NYAP2: variants seen among roughly 807,000 people sequenced by gnomAD.
NYAP2 encodes neuronal tyrosine-phosphorylated phosphoinositide-3-kinase adapter 2.
A neutral mutation model predicts 50.4 loss-of-function variants in NYAP2; 23 were observed. The observed-to-expected ratio is 0.46, with a 90% CI of 0.33 to 0.65. The LOEUF is 0.65. NYAP2 is among the 30% of genes least tolerant of loss of function. The pLI is 0.02. For missense variants in NYAP2, 885 were observed against 861.0 expected (o/e 1.03, Z -0.35); for synonymous variants, 394 against 365.2 (o/e 1.08, Z -0.90).
At chr2:225,503,224 TCTC>T (rs1690636735) in intron 3 of NYAP2, among the ~76,000 whole-genome samples, 1 of 152,168 alleles carries the variant, frequency 6.6e-6, no homozygotes, top group Middle Eastern at 3.2e-3. Flanking sequence ...TTCCAGAACT[TCTC>T]CTCCTCTGGT....
At chr2:225,481,143 A>G (rs947986855) in intron 3 of NYAP2, among the ~76,000 whole-genome samples, 4 of 152,070 alleles carry the variant, frequency 2.6e-5, no homozygotes, top group Admixed American at 1.3e-4. Context: ...TCTTTCTTTA[A>G]AAAACCTTTT....
intron 3 of NYAP2, among the ~76,000 whole-genome samples, chr2:225,437,924 A>G (rs1405578514): frequency 6.6e-6 from 1 of 152,210 alleles, no homozygotes. Context: ...GCCACAGACC[A>G]GATCATGATA....
chr2:225,448,192 G>A (rs537598252), intron 3 of NYAP2, among the ~76,000 whole-genome samples: 3 of 152,314 alleles, frequency 2.0e-5, no homozygotes, highest in Admixed American at 6.5e-5. Context: ...AGAGGGCCAA[G>A]TGGAGGAGTT....
intron 4 of NYAP2, among the ~76,000 whole-genome samples, chr2:225,568,447 A>G (rs1692001257): frequency 6.6e-6 from 1 of 152,116 alleles, no homozygotes; most frequent in Admixed American, 6.6e-5. Flanking sequence ...TGCTTCTTCA[A>G]GACTATTTGA....
chr2:225,680,210 T>C, the NYAP2 span, among the ~76,000 whole-genome samples: 7 of 152,114 alleles, frequency 4.6e-5, no homozygotes, highest in African/African-American at 1.4e-4. Context: ...TTTAAGAAAA[T>C]TGCACAAAGA....
intron 4 of NYAP2, among the ~76,000 whole-genome samples, chr2:225,535,414 A>G (rs544909721): frequency 1.3e-5 from 2 of 152,184 alleles, no homozygotes; most frequent in East Asian, 1.9e-4. Flanking sequence ...ATATCTTGTA[A>G]CAGAGTGTTA....
chr2:225,588,992 C>T (rs576003648), intron 5 of NYAP2, among the ~76,000 whole-genome samples: 2 of 152,210 alleles, frequency 1.3e-5, no homozygotes, highest in Admixed American at 1.3e-4. Context: ...GTTTTCCTAC[C>T]TTCTCCCTTT....
At chr2:225,479,267 T>G (rs1214479572) in intron 3 of NYAP2, among the ~76,000 whole-genome samples, 1 of 152,138 alleles carries the variant, frequency 6.6e-6, no homozygotes, top group Non-Finnish European at 1.5e-5. Flanking sequence ...CCCTTTGAAT[T>G]TGGTATAATT....
chr2:225,522,934 T>G (rs1691091431), intron 4 of NYAP2, among the ~76,000 whole-genome samples: 1 of 152,186 alleles, frequency 6.6e-6, no homozygotes, highest in East Asian at 1.9e-4. Context: ...TATGGCTGTT[T>G]GGTGTTGACC....
the NYAP2 span, among the ~76,000 whole-genome samples, chr2:225,668,399 C>T: frequency 2.6e-5 from 4 of 152,150 alleles, no homozygotes; most frequent in Non-Finnish European, 4.4e-5. Context: ...TTTGTCTACT[C>T]TATATACTCT....
intron 3 of NYAP2, among the ~76,000 whole-genome samples, chr2:225,451,064 C>T (rs1189528590): frequency 6.6e-6 from 1 of 152,038 alleles, no homozygotes; most frequent in Non-Finnish European, 1.5e-5. Flanking sequence ...GCATAAATTA[C>T]TACTGCAGGC....
chr2:225,670,311 A>G, the NYAP2 span, among the ~76,000 whole-genome samples: 1 of 152,150 alleles, frequency 6.6e-6, no homozygotes, highest in Non-Finnish European at 1.5e-5. Context: ...ACCTGAAAGC[A>G]GAACCCTGGA....
At chr2:225,450,239 C>T (rs1055415600) in intron 3 of NYAP2, among the ~76,000 whole-genome samples, 6 of 152,046 alleles carry the variant, frequency 3.9e-5, no homozygotes, top group Admixed American at 3.9e-4. Context: ...TGAGGGTAGC[C>T]TCATGTGGAA....
intron 3 of NYAP2, among the ~76,000 whole-genome samples, chr2:225,481,184 A>G (rs1449617989): frequency 6.6e-6 from 1 of 152,160 alleles, no homozygotes; most frequent in Non-Finnish European, 1.5e-5. Context: ...TAAAAGTGTC[A>G]TCCTGTATAT....
chr2:225,492,905 T>A (rs1304566908), intron 3 of NYAP2, among the ~76,000 whole-genome samples: 1 of 152,154 alleles, frequency 6.6e-6, no homozygotes, highest in East Asian at 1.9e-4. Context: ...CATCTCAACA[T>A]GAGATTTAGA....
At chr2:225,413,018 T>C (rs754708085) in intron 3 of NYAP2, among the ~76,000 whole-genome samples, 11 of 152,160 alleles carry the variant, frequency 7.2e-5, no homozygotes, top group Non-Finnish European at 1.5e-4. Flanking sequence ...ATTACTATCC[T>C]CACAGTCAGC....
At chr2:225,454,084 G>C (rs1344113927) in intron 3 of NYAP2, among the ~76,000 whole-genome samples, 1 of 152,104 alleles carries the variant, frequency 6.6e-6, no homozygotes, top group Non-Finnish European at 1.5e-5. Context: ...AACACTTTGG[G>C]AGGTCAAGGT....
chr2:225,531,415 G>T (rs572855192), intron 4 of NYAP2, among the ~76,000 whole-genome samples: 1 of 152,234 alleles, frequency 6.6e-6, no homozygotes, highest in Admixed American at 6.5e-5. Flanking sequence ...ACTATACTTT[G>T]TGTACAATGC....
chr2:225,701,504 T>C, the NYAP2 span: 6 of 151,748 alleles, frequency 4.0e-5, no homozygotes, highest in Admixed American at 2.6e-4. Flanking sequence ...TTCTTTAGAA[T>C]TGATGAAAAG....
Sources: gnomAD v4.1 joint callset for allele counts (sites outside exome capture counted in the v4.1 genomes callset) on GRCh38, gnomAD v4.1.1 for gene constraint, MANE v1.5 for transcripts, NCBI Gene and HGNC (gene_info 2026-07-23, HGNC 2026-07-21) for gene names.